PHLDB2: variants seen among roughly 807,000 people sequenced by gnomAD.
PHLDB2 encodes pleckstrin homology-like domain family B member 2.
Under a neutral mutation model 123.6 loss-of-function variants are expected in PHLDB2, and 71 were observed. That is an observed-to-expected ratio of 0.57 (90% CI 0.47 to 0.70). The LOEUF is 0.70. Among genes scored for constraint, PHLDB2 ranks in the 30% least tolerant of loss-of-function variants. PHLDB2 has a pLI of 0.00. For synonymous variants in PHLDB2, 547 were observed against 541.6 expected (o/e 1.01, Z -0.14); for missense variants, 1,446 against 1,519.5 (o/e 0.95, Z 0.80).
chr3:111,757,922 C>T (rs542163894), intron 1 of PHLDB2, among the ~76,000 whole-genome samples: 8 of 152,300 alleles, frequency 5.3e-5, no homozygotes, highest in South Asian at 4.1e-4. Flanking sequence ...AGTGAATTTT[C>T]GTGAACCGCG....
chr3:111,866,014 A>ATTTTTTTTTTTTTTTTTTTTTTTTTTTTT lies in PHLDB2; in HGVS notation c.-15+6462_-15+6463insTTTTTTTTTTTTTTTTTTTTTTTTTTTTT, dbSNP rs61038523. ...TTTTAGAAACCTACCCCACCCACTC[A>ATTTTTTTTTTTTTTTTTTTTTTTTTTTTT]TTTTTTTTTTTTTTTTTTTTTTTTG... is the stretch of plus-strand genomic sequence containing the variant. On this transcript the variant is annotated intron_variant, in intron 1 of 17. Transcript: ENST00000431670. 1.0e-3 allele frequency among the ~76,000 whole-genome samples: 60 copies of ATTTTTTTTTTTTTTTTTTTTTTTTTTTTT among 57,416 alleles called. 13 individuals carry two copies. Among genetic ancestry groups the ATTTTTTTTTTTTTTTTTTTTTTTTTTTTT allele is most frequent in the East Asian group, 2.6e-3 (3 of 1,168 alleles). The allele number at this position is 57,416 out of a possible 152,430, so 37.7% of individuals were successfully genotyped here. A position where few individuals can be genotyped will look rare whatever the true frequency, so the allele number is the denominator to read the frequency against.
At chr3:111,949,889 A>G in intron 10 of PHLDB2, 1 of 985,472 alleles carries the variant, frequency 1.0e-6, no homozygotes. Context: ...CAGGAGCAAC[A>G]GGTAATTAGG....
intron 1 of PHLDB2, among the ~76,000 whole-genome samples, chr3:111,874,276 C>T (rs551883653): frequency 6.6e-4 from 101 of 152,294 alleles, no homozygotes; most frequent in African/African-American, 2.4e-3. Flanking sequence ...TGTTCCTTTT[C>T]CTGTCAACCA....
At chr3:111,922,268 GT>G (rs1165019517) in intron 5 of PHLDB2, among the ~76,000 whole-genome samples, 4 of 152,104 alleles carry the variant, frequency 2.6e-5, no homozygotes, top group African/African-American at 9.7e-5. Flanking sequence ...TTCTATTTGT[GT>G]ATTTCTCATT....
At chr3:111,868,621 T>G (rs1174283376) in intron 1 of PHLDB2, among the ~76,000 whole-genome samples, 1 of 150,590 alleles carries the variant, frequency 6.6e-6, no homozygotes, top group African/African-American at 2.5e-5. Flanking sequence ...TGAGCTGAAT[T>G]TATATATATA....
chr3:111,762,081 C>A (rs1183607812), intron 1 of PHLDB2, among the ~76,000 whole-genome samples: 1 of 152,140 alleles, frequency 6.6e-6, no homozygotes, highest in East Asian at 1.9e-4. Context: ...AGCTGAGAAC[C>A]AGACCAGCGT....
At chr3:111,959,934 T>C (rs1436650493) in intron 12 of PHLDB2, among the ~76,000 whole-genome samples, 1 of 152,230 alleles carries the variant, frequency 6.6e-6, no homozygotes, top group Non-Finnish European at 1.5e-5. Context: ...AGATAATTCT[T>C]GTATGTTTTA....
At chr3:111,931,384 C>T (rs1197795265) in intron 5 of PHLDB2, among the ~76,000 whole-genome samples, 3 of 152,158 alleles carry the variant, frequency 2.0e-5, no homozygotes, top group Admixed American at 6.5e-5. Context: ...ATTGTAAAGC[C>T]GTGTAATCAC....
chr3:111,794,493 G>A (rs1373468172), intron 1 of PHLDB2, among the ~76,000 whole-genome samples: 1 of 152,178 alleles, frequency 6.6e-6, no homozygotes, highest in Non-Finnish European at 1.5e-5. Flanking sequence ...TCTTATAGAT[G>A]CTTTCTTTTG....
At chr3:111,867,853 C>T (rs978879824) in intron 1 of PHLDB2, among the ~76,000 whole-genome samples, 1 of 151,930 alleles carries the variant, frequency 6.6e-6, no homozygotes. Flanking sequence ...AGGCTTGTGC[C>T]GCCATGCCTG....
chr3:111,945,741 T>C (rs1461776699), intron 9 of PHLDB2, among the ~76,000 whole-genome samples: 3 of 152,098 alleles, frequency 2.0e-5, no homozygotes, highest in Non-Finnish European at 2.9e-5. Flanking sequence ...CTTCTCCTTC[T>C]CCTGAGTCTT....
intron 13 of PHLDB2, 54 bp downstream of exon 13, chr3:111,962,366 C>G (rs1435508184): frequency 2.0e-6 from 3 of 1,535,136 alleles, no homozygotes; most frequent in Non-Finnish European, 2.6e-6. Context: ...CTACTGCTCA[C>G]AAAAAGTAAA....
At position 111,960,733 on chromosome 3, in the gene PHLDB2, C is replaced by T. The variant is rs114045558; in HGVS notation, c.2873-1375C>T. ...ACAAAAAAGAGGAAATTCAAATGGT[C>T]CAGTTGTGAACTCTGAATAGCTCTG... On this transcript the variant is annotated intron_variant, in intron 12 of 17. Transcript: ENST00000431670. 6.0e-3 allele frequency among the ~76,000 whole-genome samples: 916 copies of T among 152,260 alleles called. 10 individuals carry two copies. Among genetic ancestry groups the T allele is most frequent in the African/African-American group, 0.021 (866 of 41,564 alleles).
chr3:111,773,318 A>G (rs571277891), intron 1 of PHLDB2, among the ~76,000 whole-genome samples: 1 of 152,174 alleles, frequency 6.6e-6, no homozygotes, highest in Non-Finnish European at 1.5e-5. Flanking sequence ...GGTGCCTTCA[A>G]TTCACATTAA....
upstream of PHLDB2, among the ~76,000 whole-genome samples, chr3:111,855,891 A>G (rs1369528823): frequency 6.6e-6 from 1 of 152,106 alleles, no homozygotes; most frequent in African/African-American, 2.4e-5. Flanking sequence ...CTCGGCTCCC[A>G]AGGTGTTGGG....
At chr3:111,784,231 G>A (rs906495852) in intron 1 of PHLDB2, among the ~76,000 whole-genome samples, 1 of 152,122 alleles carries the variant, frequency 6.6e-6, no homozygotes, top group African/African-American at 2.4e-5. Context: ...TCTTAATAAA[G>A]TATTATATAG....
chr3:111,830,739 G>A (rs2062919757), intron 1 of PHLDB2, among the ~76,000 whole-genome samples: 1 of 138,758 alleles, frequency 7.2e-6, no homozygotes, highest in Non-Finnish European at 1.5e-5. Context: ...AACCCGGGAG[G>A]CGGAGCTTGC....
Position 111,974,835 on chromosome 3 carries a change from A to G in PHLDB2, c.*272A>G, listed in dbSNP as rs2072445837. Reference sequence around the variant, plus strand: ...GATCACTTATAGGAACATTTCTAATAAACTGTTTTTAATCAGTTGTCGGAT... The same window carrying G: ...GATCACTTATAGGAACATTTCTAATGAACTGTTTTTAATCAGTTGTCGGAT... On this transcript the variant is annotated 3_prime_UTR_variant, in exon 18 of 18. Coordinates refer to ENST00000431670, the MANE Select transcript of PHLDB2 (RefSeq NM_001134438.2). 1 of 247,208 alleles carries G rather than the reference A, an allele frequency of 4.0e-6. No individual in the cohort carries two copies. The highest frequency in any genetic ancestry group is 7.6e-6 in the Non-Finnish European group (1 of 130,904). 15.3% of individuals were successfully genotyped at this position (247,208 alleles called of 1,614,324 possible). A position where few individuals can be genotyped will look rare whatever the true frequency, so the allele number is the denominator to read the frequency against.
rs1431444838 is a variant in PHLDB2 at position 111,771,467 on chromosome 3, A to G, written c.-49+38764A>G. Among the ~76,000 whole-genome samples, 3 of 151,804 alleles carry G rather than the reference A, an allele frequency of 2.0e-5. No homozygotes were observed. The East Asian group carries it at 5.8e-4, about 29-fold the overall frequency. ...TGGGTTCAAGTGATTCTCGTGCCTCAGCCTCCTGACTACAGGTGTGTGCCA... is the reference window on the plus strand; with the variant it reads ...TGGGTTCAAGTGATTCTCGTGCCTCGGCCTCCTGACTACAGGTGTGTGCCA... On this transcript the variant is annotated intron_variant, in intron 1 of 17. Transcript: ENST00000393923.
Sources: gnomAD v4.1 joint callset for allele counts (sites outside exome capture counted in the v4.1 genomes callset) on GRCh38, gnomAD v4.1.1 for gene constraint, MANE v1.5 for transcripts, NCBI Gene and HGNC (gene_info 2026-07-23, HGNC 2026-07-21) for gene names.